Variants in ZNF385D observed in about 807,000 individuals in gnomAD.
ZNF385D encodes the protein zinc finger protein 659.
In ZNF385D, 15 loss-of-function variants were observed where a neutral mutation model predicts 35.8. The observed-to-expected ratio is 0.42, with a 90% CI of 0.28 to 0.64. The LOEUF is 0.64. ZNF385D is among the 30% of genes least tolerant of loss of function. ZNF385D has a pLI of 0.23. For missense variants in ZNF385D, 474 were observed against 494.6 expected, an observed-to-expected ratio of 0.96 and a Z score of 0.39; for synonymous variants, 212 against 186.8, an observed-to-expected ratio of 1.13 and a Z score of -1.10.
intron 3 of ZNF385D, among the ~76,000 whole-genome samples, chr3:21,824,790 T>A (rs1172829954): frequency 3.3e-5 from 5 of 152,206 alleles, no homozygotes; most frequent in African/African-American, 1.2e-4. Context: ...ATAAATATTT[T>A]AGAGCATTTA....
chr3:22,322,944 TG>T (rs900492937), intron 2 of ZNF385D, among the ~76,000 whole-genome samples: 3 of 152,350 alleles, frequency 2.0e-5, no homozygotes, highest in Non-Finnish European at 2.9e-5. Flanking sequence ...CTCATTGCTA[TG>T]GCACCTTAAA....
chr3:22,056,500 A>G (rs922419060), intron 3 of ZNF385D, among the ~76,000 whole-genome samples: 1 of 152,192 alleles, frequency 6.6e-6, no homozygotes, highest in Non-Finnish European at 1.5e-5. Flanking sequence ...ATTAGGATCC[A>G]TGACCCGTTA....
chr3:22,026,932 A>C (rs181622329), intron 3 of ZNF385D, among the ~76,000 whole-genome samples: 2 of 152,300 alleles, frequency 1.3e-5, no homozygotes, highest in Admixed American at 1.3e-4. Flanking sequence ...TTAACCAAAC[A>C]GTGACTCCAA....
At chr3:21,548,124 C>G (rs1400743804) in intron 3 of ZNF385D, among the ~76,000 whole-genome samples, 1 of 152,132 alleles carries the variant, frequency 6.6e-6, no homozygotes, top group Non-Finnish European at 1.5e-5. Context: ...CCCCATTTCT[C>G]TTTTCACCCA....
chr3:21,702,976 G>T (rs2067748554), intron 1 of ZNF385D, among the ~76,000 whole-genome samples: 2 of 152,010 alleles, frequency 1.3e-5, no homozygotes, highest in Admixed American at 1.3e-4. Flanking sequence ...ATATTCTTCT[G>T]AGCCCTCTAA....
chr3:21,961,687 G>T (rs902171920), intron 3 of ZNF385D: 5 of 151,944 alleles, frequency 3.3e-5, no homozygotes, highest in African/African-American at 7.3e-5. Context: ...CTAATATTTT[G>T]TAAGTGAATG....
intron 3 of ZNF385D, among the ~76,000 whole-genome samples, chr3:21,903,853 G>A (rs921500304): frequency 6.6e-6 from 1 of 152,048 alleles, no homozygotes; most frequent in Non-Finnish European, 1.5e-5. Flanking sequence ...GATAATTAAA[G>A]ATCTACTGGG....
chr3:22,187,722 A>C (rs1695732101), intron 2 of ZNF385D, among the ~76,000 whole-genome samples: 1 of 152,192 alleles, frequency 6.6e-6, no homozygotes, highest in Admixed American at 6.6e-5. Context: ...TTGGTTTATA[A>C]CTTGTGGAGT....
intron 3 of ZNF385D, among the ~76,000 whole-genome samples, chr3:21,825,128 T>C (rs1187648552): frequency 6.6e-6 from 1 of 152,198 alleles, no homozygotes; most frequent in Non-Finnish European, 1.5e-5. Flanking sequence ...GTTAAATATT[T>C]TTCTCACGCC....
chr3:21,723,862 G>A (rs1319232777), intron 1 of ZNF385D, among the ~76,000 whole-genome samples: 11 of 152,126 alleles, frequency 7.2e-5, no homozygotes, highest in African/African-American at 2.4e-4. Context: ...ATTTACCATG[G>A]TGGAAATGAA....
At chr3:21,482,527 T>A (rs1178220218) in intron 4 of ZNF385D, among the ~76,000 whole-genome samples, 1 of 152,192 alleles carries the variant, frequency 6.6e-6, no homozygotes, top group African/African-American at 2.4e-5. Flanking sequence ...GAAGAAGTAC[T>A]TCCTAATAAC....
intron 2 of ZNF385D, among the ~76,000 whole-genome samples, chr3:21,589,443 G>GACTT (rs1278406139): frequency 2.6e-5 from 4 of 152,164 alleles, no homozygotes; most frequent in African/African-American, 7.2e-5. Flanking sequence ...GTAGATCATA[G>GACTT]ACTTAAATGC....
At chr3:21,797,434 C>A (rs970334688) in intron 3 of ZNF385D, among the ~76,000 whole-genome samples, 1 of 152,152 alleles carries the variant, frequency 6.6e-6, no homozygotes, top group African/African-American at 2.4e-5. Flanking sequence ...TTGGTGGTTT[C>A]TTACAAAACT....
chr3:22,050,875 A>AACTGTGTGTTAG (rs1477091241), intron 3 of ZNF385D, among the ~76,000 whole-genome samples: 1 of 26,106 alleles, frequency 3.8e-5, no homozygotes, highest in African/African-American at 1.3e-4. Flanking sequence ...ATGTGTTATA[A>AACTGTGTGTTAG]TTTCTGTTCT....
chr3:21,957,461 A>C (rs368657717), intron 3 of ZNF385D, among the ~76,000 whole-genome samples: 1 of 152,110 alleles, frequency 6.6e-6, no homozygotes, highest in African/African-American at 2.4e-5. Flanking sequence ...GCCTGATAGC[A>C]ATATGAACAA....
At chr3:22,289,432 G>T (rs1419659163) in intron 2 of ZNF385D, among the ~76,000 whole-genome samples, 1 of 152,170 alleles carries the variant, frequency 6.6e-6, no homozygotes, top group African/African-American at 2.4e-5. Context: ...AAAGGTTCAA[G>T]AAGTAACCAA....
intron 3 of ZNF385D, among the ~76,000 whole-genome samples, chr3:21,897,839 T>C (rs976081347): frequency 1.3e-5 from 2 of 152,156 alleles, no homozygotes; most frequent in Non-Finnish European, 2.9e-5. Context: ...AGACTGAGAC[T>C]GGAGTCTTAT....
At chr3:21,580,691 A>AATAT (rs35522503) in intron 2 of ZNF385D, among the ~76,000 whole-genome samples, 38 of 151,572 alleles carry the variant, frequency 2.5e-4, no homozygotes, top group Middle Eastern at 3.4e-3. Flanking sequence ...ATTCCAAGAT[A>AATAT]ATATATATAT....
intron 2 of ZNF385D, among the ~76,000 whole-genome samples, chr3:21,568,020 A>G (rs572859100): frequency 6.6e-6 from 1 of 152,264 alleles, no homozygotes; most frequent in Non-Finnish European, 1.5e-5. Flanking sequence ...GCAAAGTGGT[A>G]TATTCTGCAG....
Sources: allele counts gnomAD v4.1 joint callset (sites outside exome capture counted in the v4.1 genomes callset), GRCh38; gene constraint gnomAD v4.1.1; transcripts MANE v1.5; gene names NCBI Gene and HGNC (gene_info 2026-07-23, HGNC 2026-07-21).